Variants in SPRED2 observed in about 807,000 individuals in gnomAD.
The protein encoded by SPRED2 is sprouty related EVH1 domain containing 2, also known as sprouty-related, EVH1 domain-containing protein 2.
Under a neutral mutation model 43.0 loss-of-function variants are expected in SPRED2, and 47 were observed. That is an observed-to-expected ratio of 1.09 (90% CI 0.87 to 1.40). The LOEUF is 1.40. SPRED2 is among the 40% of genes most tolerant of loss of function. The pLI, the probability that SPRED2 is intolerant of heterozygous loss-of-function variation, is 0.00. For synonymous variants in SPRED2, 225 were observed against 225.7 expected (o/e 1.00, Z 0.03); for missense variants, 561 against 586.4 (o/e 0.96, Z 0.45).
Position 65,313,061 on chromosome 2 carries a change from G to GA in SPRED2, c.*439dup. ...GATGCTTGCTAGCGACAGGCAAGGT[G>GA]AACCAAGAGAAAGAGAGTCTTCGAC... is the stretch of plus-strand genomic sequence containing the variant. On this transcript the variant is annotated 3_prime_UTR_variant, in exon 6 of 6. Coordinates refer to ENST00000356388, the MANE Select transcript of SPRED2 (RefSeq NM_181784.3). 3.0e-6 allele frequency: 3 copies of GA among 988,100 alleles called. No individual in the cohort carries two copies. Among genetic ancestry groups the GA allele is most frequent in the Non-Finnish European group, 3.6e-6 (3 of 831,888 alleles). 61.2% of individuals were successfully genotyped at this position (988,100 alleles called of 1,614,324 possible).
intron 3 of SPRED2, chr2:65,334,305 C>T: frequency 2.0e-6 from 1 of 503,244 alleles, no homozygotes; most frequent in African/African-American, 1.9e-5. Context: ...TTTCAATAGT[C>T]AGGACAAGGT....
intron 4 of SPRED2, among the ~76,000 whole-genome samples, chr2:65,326,317 C>T (rs994474459): frequency 2.0e-5 from 3 of 152,162 alleles, no homozygotes; most frequent in African/African-American, 7.2e-5. Context: ...AGATTTTCCC[C>T]GCAATGTCTA....
chr2:65,313,910 C>T lies in SPRED2; in HGVS notation c.848G>A (p.Arg283His), dbSNP rs144709078. Residue 283 changes from arginine (R) to histidine (H), a missense_variant, in exon 6 of 6, where the codon CGC (arginine) becomes CAC (histidine). Arg to His is a conservative substitution (Grantham distance 29). This residue lies in a region of SPRED2 where 164 missense variants were observed against 164.1 expected (regional missense o/e 1.00). Transcript: ENST00000356388. The stretch of plus-strand genomic sequence containing the variant: ...CTGCGTCTTGATCACGCTGCCCCCG[C>T]GGCCTTTGGGGTCCTCGCCTAGGCC... ...DFGLGEDPKG[R>H]GGSVIKTQPS... 2.9e-4 allele frequency: 465 copies of T among 1,610,502 alleles called. 1 individual carries two copies. Among genetic ancestry groups the T allele is most frequent in the Middle Eastern group, 8.2e-4 (5 of 6,062 alleles).
chr2:65,432,231 G>T lies in SPRED2; in HGVS notation c.-244C>A. 1 of 541,952 alleles carries T rather than the reference G, an allele frequency of 1.8e-6. No individual in the cohort carries two copies. The highest frequency in any genetic ancestry group is 3.3e-6 in the Non-Finnish European group (1 of 301,538). The allele number at this position is 541,952 out of a possible 1,614,324, so 33.6% of individuals were successfully genotyped here. A position where few individuals can be genotyped will look rare whatever the true frequency, so the allele number is the denominator to read the frequency against. Reference sequence around the variant, plus strand: ...GCAGCGCCGTGGGGAGAGGCGGGCGGAGGCTCCGGGGGCTCGGGAGCGGGC... The same window carrying T: ...GCAGCGCCGTGGGGAGAGGCGGGCGTAGGCTCCGGGGGCTCGGGAGCGGGC... On this transcript the variant is annotated 5_prime_UTR_variant, in exon 1 of 6. Coordinates refer to ENST00000356388, the MANE Select transcript of SPRED2 (RefSeq NM_181784.3).
chr2:65,397,328 C>T (rs1241944267), intron 1 of SPRED2, among the ~76,000 whole-genome samples: 1 of 152,192 alleles, frequency 6.6e-6, no homozygotes, highest in African/African-American at 2.4e-5. Flanking sequence ...GTAATAAACC[C>T]AGCCCTCACC....
intron 1 of SPRED2, among the ~76,000 whole-genome samples, chr2:65,375,951 C>T (rs2103624729): frequency 6.6e-6 from 1 of 152,302 alleles, no homozygotes; most frequent in South Asian, 2.1e-4. Context: ...ACCAGTTCAG[C>T]TCAGAGAGAT....
intron 1 of SPRED2, among the ~76,000 whole-genome samples, chr2:65,356,776 G>A: frequency 6.6e-6 from 1 of 152,010 alleles, no homozygotes; most frequent in African/African-American, 2.4e-5. Context: ...CAGATCACCT[G>A]AGGTCAGGAG....
At chr2:65,344,491 C>T (rs1032992238) in intron 2 of SPRED2, 2 of 674,470 alleles carry the variant, frequency 3.0e-6, no homozygotes, top group South Asian at 1.6e-5. Flanking sequence ...GCCAAATATA[C>T]TTCTAAGCAT....
In SPRED2 at chr2:65,310,878, G is replaced by A. The variant is rs1673049360; in HGVS notation, c.*2623C>T. On this transcript the variant is annotated 3_prime_UTR_variant, in exon 6 of 6. Coordinates refer to ENST00000356388, the MANE Select transcript of SPRED2 (RefSeq NM_181784.3). ...TGATAGGATGTGTTTATATTTACAC[G>A]GTACATTTTAAAGCAATGGCTACAT... is the stretch of plus-strand genomic sequence containing the variant. The A allele has an allele frequency of 5.1e-6, 5 of 985,232 alleles. No individual in the cohort carries two copies. Among genetic ancestry groups the A allele is most frequent in the Middle Eastern group, 5.2e-4 (1 of 1,936 alleles). 61.0% of individuals were successfully genotyped at this position (985,232 alleles called of 1,614,324 possible).
intron 1 of SPRED2, among the ~76,000 whole-genome samples, chr2:65,401,069 G>C (rs1457598203): frequency 6.6e-6 from 1 of 151,998 alleles, no homozygotes; most frequent in Non-Finnish European, 1.5e-5. Flanking sequence ...CCAGGTTCAA[G>C]TGATTCTTCT....
intron 1 of SPRED2, among the ~76,000 whole-genome samples, chr2:65,389,670 A>G (rs902184591): frequency 2.0e-5 from 3 of 149,038 alleles, no homozygotes; most frequent in African/African-American, 7.3e-5. Flanking sequence ...TAATGTGACA[A>G]AACAATTATA....
chr2:65,388,115 G>A (rs1675544920), intron 1 of SPRED2, among the ~76,000 whole-genome samples: 1 of 152,178 alleles, frequency 6.6e-6, no homozygotes, highest in African/African-American at 2.4e-5. Context: ...AAACCACCAC[G>A]ATGCAGCCAT....
intron 1 of SPRED2, among the ~76,000 whole-genome samples, chr2:65,426,265 T>C (rs991217144): frequency 2.6e-5 from 4 of 152,320 alleles, no homozygotes; most frequent in African/African-American, 9.6e-5. Context: ...AGAGGCTCAA[T>C]GTGAACATGG....
At position 65,432,102 on chromosome 2, in the gene SPRED2, G is replaced by C. The variant is rs1165654192; in HGVS notation, c.-115C>G. On this transcript the variant is annotated 5_prime_UTR_variant, in exon 1 of 6. Coordinates refer to ENST00000356388, the MANE Select transcript of SPRED2 (RefSeq NM_181784.3). The stretch of plus-strand genomic sequence containing the variant: ...GAGATCGCCTGATTTGGGGAGGGGG[G>C]GCGGCTAGAGATGAAGAGGGCGCCG... The C allele has an allele frequency of 5.0e-6, 7 of 1,389,564 alleles. No homozygotes were observed. In the East Asian group the frequency reaches 1.2e-4, roughly 24 times the overall value. The allele number at this position is 1,389,564 out of a possible 1,614,324, so 86.1% of individuals were successfully genotyped here.
chr2:65,403,269 T>C (rs994416379), intron 1 of SPRED2, among the ~76,000 whole-genome samples: 13 of 152,184 alleles, frequency 8.5e-5, no homozygotes, highest in African/African-American at 3.1e-4. Flanking sequence ...TAAGATCAGA[T>C]AGACATCCAT....
intron 2 of SPRED2, among the ~76,000 whole-genome samples, chr2:65,341,085 A>G (rs1383581776): frequency 2.2e-5 from 3 of 137,602 alleles, no homozygotes; most frequent in Admixed American, 7.7e-5. Context: ...GAGAGAGAGG[A>G]AGGGAGACTG....
rs182182699 is a variant in SPRED2 at position 65,361,707 on chromosome 2, A to G, written c.27-16811T>C. On this transcript the variant is annotated intron_variant, in intron 1 of 5. Coordinates refer to ENST00000356388, the MANE Select transcript of SPRED2 (RefSeq NM_181784.3). ...TTAATATTACTCAAAGCAGGGAAAAAGGGGCTGTTTTATTTTTCTTTGGAA... is the reference window on the plus strand; with the variant it reads ...TTAATATTACTCAAAGCAGGGAAAAGGGGGCTGTTTTATTTTTCTTTGGAA... 4.6e-5 allele frequency among the ~76,000 whole-genome samples: 7 copies of G among 152,358 alleles called. No homozygotes were observed. The East Asian group carries it at 5.8e-4, about 13-fold the overall frequency.
At chr2:65,346,268 C>A (rs189470273) in intron 1 of SPRED2, among the ~76,000 whole-genome samples, 56 of 152,286 alleles carry the variant, frequency 3.7e-4, no homozygotes, top group Admixed American at 1.1e-3. Flanking sequence ...CCTTGGCCCC[C>A]CCAACCCAAG....
intron 1 of SPRED2, among the ~76,000 whole-genome samples, chr2:65,421,328 T>C (rs1341824144): frequency 6.6e-6 from 1 of 152,208 alleles, no homozygotes; most frequent in Non-Finnish European, 1.5e-5. Flanking sequence ...ATGCCAAAGA[T>C]GTGAAGTCAT....
Sources: allele counts gnomAD v4.1 joint callset (sites outside exome capture counted in the v4.1 genomes callset), GRCh38; gene constraint gnomAD v4.1.1; regional missense constraint gnomAD v4.1.1; transcripts MANE v1.5; gene names NCBI Gene and HGNC (gene_info 2026-07-23, HGNC 2026-07-21).